COQ9: variants seen among roughly 807,000 people sequenced by gnomAD.
The protein encoded by COQ9 is ubiquinone biosynthesis protein COQ9, mitochondrial.
COQ9 carries 35 observed loss-of-function variants against 42.4 expected under a neutral mutation model. That is an observed-to-expected ratio of 0.83 (90% confidence interval 0.63 to 1.10). COQ9 has a LOEUF of 1.10. Ranked by LOEUF, COQ9 falls within the 50% of genes least tolerant of loss-of-function variation. The pLI is 0.00. For synonymous variants in COQ9, 155 were observed against 155.1 expected (o/e 1.00, Z 0.00); for missense variants, 406 against 414.6 (o/e 0.98, Z 0.18).
intron 3 of COQ9, chr16:57,453,163 A>G (rs1237990475): frequency 1.2e-5 from 7 of 586,922 alleles, no homozygotes; most frequent in African/African-American, 9.3e-5. Context: ...AAGGCAATCT[A>G]TTAGGCAAGA....
At chr16:57,451,498 T>A (rs1390039117) in intron 2 of COQ9, among the ~76,000 whole-genome samples, 1 of 152,180 alleles carries the variant, frequency 6.6e-6, no homozygotes. Context: ...AAAGAACCTA[T>A]TGTTTTTATA....
intron 5 of COQ9, among the ~76,000 whole-genome samples, chr16:57,457,826 A>G (rs755287540): frequency 6.6e-6 from 1 of 151,896 alleles, no homozygotes; most frequent in African/African-American, 2.4e-5. Context: ...CTCTCTGATC[A>G]CCTCCCCAGT....
Position 57,447,758 on chromosome 16 carries a change from T to C in COQ9, c.73+180T>C, listed in dbSNP as rs223861. On this transcript the variant is annotated intron_variant, in intron 1 of 8. Coordinates refer to ENST00000262507, the MANE Select transcript of COQ9 (RefSeq NM_020312.4). ...GGCTAGCTTCGGCCCTGCTCCGCTG[T>C]CTGTGAGGGGCAGATGCAGCGGGGC... is the stretch of plus-strand genomic sequence containing the variant. The C allele has an allele frequency of 0.75, 320,268 of 429,350 alleles. 121,642 individuals carry two copies. Among genetic ancestry groups the C allele is most frequent in the African/African-American group, 0.94 (46,104 of 49,158 alleles). The allele number at this position is 429,350 out of a possible 1,614,324, so 26.6% of individuals were successfully genotyped here.
intron 1 of COQ9, 81 bp downstream of exon 1, chr16:57,447,659 G>A: frequency 1.7e-6 from 2 of 1,154,124 alleles, no homozygotes; most frequent in Non-Finnish European, 1.1e-6. Flanking sequence ...CGACGGTGGG[G>A]GGAAGAGGCC....
In COQ9 at chr16:57,447,551, A is replaced by T. The variant is rs1226931534; in HGVS notation, c.46A>T (p.Arg16Trp). Reference sequence around the variant, plus strand: ...TGGTGCGCTTGGCCGGGCGGGCTGGAGGCTCCTGCAGCTGCGATGCCTGCC... The same window carrying T: ...TGGTGCGCTTGGCCGGGCGGGCTGGTGGCTCCTGCAGCTGCGATGCCTGCC... The part of the protein sequence containing the change: ...VSGALGRAGW[R>W]LLQLRCLPVA... The change falls in exon 1 of 9, where the codon AGG (arginine) becomes TGG (tryptophan). Residue 16 changes from arginine (R) to tryptophan (W), a missense_variant. Arg to Trp is a moderately radical substitution (Grantham distance 101). Coordinates refer to ENST00000262507, the MANE Select transcript of COQ9 (RefSeq NM_020312.4). 4 of 1,293,454 alleles carry T rather than the reference A, an allele frequency of 3.1e-6. No individual in the cohort carries two copies. The highest frequency in any genetic ancestry group is 3.9e-6 in the Non-Finnish European group (4 of 1,015,310). 80.1% of individuals were successfully genotyped at this position (1,293,454 alleles called of 1,614,324 possible). A position where few individuals can be genotyped will look rare whatever the true frequency, so the allele number is the denominator to read the frequency against.
In COQ9 at chr16:57,456,492, C is replaced by T; in HGVS notation, c.379-12C>T. Reference sequence around the variant, plus strand: ...GGCACCGCTTTTCTGTTTTCTGTCTCCCCTTTTGTAGTCTCTGGGTCTCTC... The same window carrying T: ...GGCACCGCTTTTCTGTTTTCTGTCTTCCCTTTTGTAGTCTCTGGGTCTCTC... On this transcript the variant is annotated splice_polypyrimidine_tract_variant and intron_variant, in intron 3 of 8. Transcript: ENST00000262507. The T allele has an allele frequency of 6.2e-7, 1 of 1,614,030 alleles. No individual in the cohort carries two copies.
intron 3 of COQ9, among the ~76,000 whole-genome samples, chr16:57,455,803 G>T (rs993034314): frequency 6.6e-6 from 1 of 152,084 alleles, no homozygotes; most frequent in East Asian, 1.9e-4. Flanking sequence ...AAACAAGAGT[G>T]GACCAGGCTC....
chr16:57,448,178 C>A (rs2030178203), intron 1 of COQ9, among the ~76,000 whole-genome samples: 2 of 152,136 alleles, frequency 1.3e-5, no homozygotes, highest in South Asian at 4.1e-4. Context: ...ATGAAACGTT[C>A]ACCTGTATTT....
chr16:57,458,258 C>G lies in COQ9; in HGVS notation c.619C>G (p.Leu207Val), dbSNP rs1249817159. 6.2e-7 allele frequency: 1 copy of G among 1,610,492 alleles called. No homozygotes were observed. Among genetic ancestry groups the G allele is most frequent in the African/African-American group, 1.3e-5 (1 of 74,782 alleles). Residue 207 changes from leucine to valine, a missense_variant, in exon 6 of 9, where the codon CTC becomes GTC. Coordinates refer to ENST00000262507, the MANE Select transcript of COQ9 (RefSeq NM_020312.4). Reference sequence around the variant, plus strand: ...ATTCTCTCTCCAGGCCCTCAGCATCCTCATGCTCCCTCACAACATCCCGTC... The same window carrying G: ...ATTCTCTCTCCAGGCCCTCAGCATCGTCATGCTCCCTCACAACATCCCGTC... ...IEHWPRALSI[L>V]MLPHNIPSSL... is the part of the protein sequence containing the mutation.
At chr16:57,455,840 G>T (rs916122305) in intron 3 of COQ9, among the ~76,000 whole-genome samples, 2 of 152,112 alleles carry the variant, frequency 1.3e-5, no homozygotes, top group African/African-American at 4.8e-5. Flanking sequence ...CACTTGGGGA[G>T]GCTGAGGCGG....
rs1192437416 is a variant in COQ9 at position 57,461,108 on chromosome 16, A to T, written c.*484A>T. On this transcript the variant is annotated 3_prime_UTR_variant, in exon 9 of 9. Coordinates refer to ENST00000262507, the MANE Select transcript of COQ9 (RefSeq NM_020312.4). ...CCCCCTCCCTCTCAGGTGTCCTGAG[A>T]TGCTGTTCCTGGGAGCCCCCTCAGA... 6.6e-6 allele frequency: 3 copies of T among 454,262 alleles called. No homozygotes were observed. Among genetic ancestry groups the T allele is most frequent in the African/African-American group, 4.0e-5 (2 of 50,016 alleles). The allele number at this position is 454,262 out of a possible 1,614,324, so 28.1% of individuals were successfully genotyped here. A position where few individuals can be genotyped will look rare whatever the true frequency, so the allele number is the denominator to read the frequency against.
At chr16:57,449,410 A>G (rs1757429211) in intron 1 of COQ9, among the ~76,000 whole-genome samples, 1 of 152,202 alleles carries the variant, frequency 6.6e-6, no homozygotes, top group Non-Finnish European at 1.5e-5. Context: ...GGCTCAGAGG[A>G]GCCTGGTTAG....
intron 6 of COQ9, 120 bp from the exon 7 acceptor site, chr16:57,459,445 C>T (rs938068762): frequency 2.1e-6 from 2 of 957,698 alleles, no homozygotes; most frequent in Non-Finnish European, 3.3e-6. Context: ...TCCAGAGGGC[C>T]AGATGTATCT....
rs1221221544 is a variant in COQ9 at position 57,451,134 on chromosome 16, C to G, written c.168C>G (p.Asn56Lys). The change falls in exon 2 of 9, where the codon AAC (asparagine) becomes AAG (lysine). Residue 56 changes from asparagine to lysine, a missense_variant. Transcript: ENST00000262507. Reference protein sequence around the residue: ...SSDEQKQQPPNSFSQQHSETQ... With the variant: ...SSDEQKQQPPKSFSQQHSETQ... ...ATGAGCAGAAGCAGCAGCCTCCCAA[C>G]TCATTTTCTCAGCAGCATTCTGAGA... 5.0e-6 allele frequency: 8 copies of G among 1,614,204 alleles called. No homozygotes were observed. The highest frequency in any genetic ancestry group is 6.8e-6 in the Non-Finnish European group (8 of 1,180,036).
chr16:57,447,566 C>A lies in COQ9; in HGVS notation c.61C>A (p.Arg21=), dbSNP rs907173773. 1 of 1,282,372 alleles carries A rather than the reference C, an allele frequency of 7.8e-7. No individual in the cohort carries two copies. The highest frequency in any genetic ancestry group is 9.9e-7 in the Non-Finnish European group (1 of 1,010,382). The allele number at this position is 1,282,372 out of a possible 1,614,324, so 79.4% of individuals were successfully genotyped here. Residue 21 remains arginine, a synonymous_variant, in exon 1 of 9, where the codon CGA becomes AGA. Coordinates refer to ENST00000262507, the MANE Select transcript of COQ9 (RefSeq NM_020312.4). ...GGCGGGCTGGAGGCTCCTGCAGCTGCGATGCCTGCCCGGTGAGGGGGCTGC... is the reference window on the plus strand; with the variant it reads ...GGCGGGCTGGAGGCTCCTGCAGCTGAGATGCCTGCCCGGTGAGGGGGCTGC... The part of the protein sequence containing the change: ...GRAGWRLLQL[R]CLPVARCRQA...
chr16:57,452,191 G>C (rs1241531952), intron 2 of COQ9, among the ~76,000 whole-genome samples: 3 of 152,218 alleles, frequency 2.0e-5, no homozygotes, highest in African/African-American at 7.2e-5. Flanking sequence ...TGTAAGTTTA[G>C]ATGAAGAAAC....
chr16:57,456,194 G>GTT (rs2030397614), intron 3 of COQ9, among the ~76,000 whole-genome samples: 2 of 152,210 alleles, frequency 1.3e-5, no homozygotes, highest in African/African-American at 4.8e-5. Flanking sequence ...CCTTAGATGT[G>GTT]TTAGGTGCAA....
chr16:57,450,244 T>C (rs1480619726), intron 1 of COQ9, among the ~76,000 whole-genome samples: 1 of 151,960 alleles, frequency 6.6e-6, no homozygotes, highest in Non-Finnish European at 1.5e-5. Flanking sequence ...CGAAACTCCG[T>C]CTCTACTAAA....
chr16:57,458,816 G>A (rs2030463474), intron 6 of COQ9, among the ~76,000 whole-genome samples: 2 of 152,098 alleles, frequency 1.3e-5, no homozygotes, highest in African/African-American at 2.4e-5. Flanking sequence ...GAAAGAATCC[G>A]ACTTGTTAAT....
Sources: gnomAD v4.1 joint callset for allele counts (sites outside exome capture counted in the v4.1 genomes callset) on GRCh38, gnomAD v4.1.1 for gene constraint, MANE v1.5 for transcripts, NCBI Gene and HGNC (gene_info 2026-07-23, HGNC 2026-07-21) for gene names.